Variants in EXOC4 observed in about 807,000 individuals in gnomAD.
The protein encoded by EXOC4 is SEC8-like 1.
Under a neutral mutation model 107.2 loss-of-function variants are expected in EXOC4, and 71 were observed. That is an observed-to-expected ratio of 0.66 (90% CI 0.55 to 0.81). The LOEUF (loss-of-function observed/expected upper bound fraction) is 0.81. Among genes scored for constraint, EXOC4 ranks in the 30% least tolerant of loss-of-function variants. EXOC4 has a pLI of 0.00. For synonymous variants in EXOC4, 456 were observed against 441.2 expected (o/e 1.03, Z -0.42); for missense variants, 1,108 against 1,189.6 (o/e 0.93, Z 1.01).
At chr7:133,978,979 T>C (rs1017420962) in intron 14 of EXOC4, among the ~76,000 whole-genome samples, 4 of 152,162 alleles carry the variant, frequency 2.6e-5, no homozygotes, top group Non-Finnish European at 5.9e-5. Flanking sequence ...CCCATTTCAC[T>C]CTGTACAGTA....
intron 7 of EXOC4, among the ~76,000 whole-genome samples, chr7:133,382,398 T>G (rs147972986): frequency 1.3e-5 from 2 of 152,174 alleles, no homozygotes; most frequent in East Asian, 3.9e-4. Flanking sequence ...TACTGGGGAA[T>G]AGAAAAAAAT....
chr7:133,900,902 C>T (rs1799436614), intron 12 of EXOC4, among the ~76,000 whole-genome samples: 1 of 152,168 alleles, frequency 6.6e-6, no homozygotes, highest in African/African-American at 2.4e-5. Context: ...GAGATTCTCA[C>T]TCTGTTGCCC....
intron 16 of EXOC4, 58 bp from the exon 17 acceptor site, chr7:134,007,618 A>C: frequency 6.7e-7 from 1 of 1,489,700 alleles, no homozygotes; most frequent in Non-Finnish European, 9.0e-7. Flanking sequence ...AAGTTTCTGC[A>C]GGAATGCCTC....
At chr7:133,686,355 C>A (rs192499505) in intron 10 of EXOC4, among the ~76,000 whole-genome samples, 3 of 152,288 alleles carry the variant, frequency 2.0e-5, no homozygotes, top group Admixed American at 2.0e-4. Flanking sequence ...CTCATTGCCT[C>A]TTAGCATTTT....
rs761822033 is a variant in EXOC4 at position 133,305,901 on chromosome 7, G to C, written c.496G>C (p.Gly166Arg). The C allele has an allele frequency of 4.4e-6, 7 of 1,607,804 alleles. No homozygotes were observed. Among genetic ancestry groups the C allele is most frequent in the South Asian group, 1.1e-5 (1 of 89,882 alleles). The change falls in exon 4 of 18, where the codon GGC (glycine) becomes CGC (arginine). Residue 166 changes from glycine to arginine, a missense_variant. Gly to Arg is a moderately radical substitution (Grantham distance 125). Transcript: ENST00000253861. ...MLVSAVESLE[G>R]PLLQVEGLSD... ...GGTGTCAGCAGTTGAGTCTTTGGAG[G>C]GCCCCCTGCTCCAGGTGGAAGGACT... is the stretch of plus-strand genomic sequence containing the variant.
At chr7:133,511,921 G>A (rs190734250) in intron 9 of EXOC4, among the ~76,000 whole-genome samples, 329 of 150,846 alleles carry the variant, frequency 2.2e-3, no homozygotes, top group African/African-American at 7.7e-3. Flanking sequence ...TCCTCTCCCC[G>A]CCCTTCTCAT....
At chr7:133,623,196 C>T (rs752961993) in intron 9 of EXOC4, among the ~76,000 whole-genome samples, 10 of 146,656 alleles carry the variant, frequency 6.8e-5, no homozygotes, top group South Asian at 2.2e-4. Flanking sequence ...TAAAGTATAA[C>T]GCGAGAGCTA....
At chr7:133,913,953 C>T (rs1017108128) in intron 12 of EXOC4, among the ~76,000 whole-genome samples, 4 of 151,990 alleles carry the variant, frequency 2.6e-5, no homozygotes, top group Non-Finnish European at 5.9e-5. Flanking sequence ...GAACGTGATG[C>T]GGAAAGCAAA....
chr7:133,308,374 A>T (rs1180679881), intron 4 of EXOC4, among the ~76,000 whole-genome samples: 1 of 152,182 alleles, frequency 6.6e-6, no homozygotes, highest in Non-Finnish European at 1.5e-5. Context: ...CTAATCCAGT[A>T]GGACTGATGT....
intron 10 of EXOC4, among the ~76,000 whole-genome samples, chr7:133,705,182 A>T (rs545543395): frequency 6.0e-4 from 92 of 152,230 alleles, no homozygotes; most frequent in African/African-American, 2.2e-3. Flanking sequence ...CCTGGCCAAC[A>T]TGGTGAAACT....
At chr7:133,761,070 C>A (rs901427702) in intron 10 of EXOC4, among the ~76,000 whole-genome samples, 1 of 152,084 alleles carries the variant, frequency 6.6e-6, no homozygotes, top group African/African-American at 2.4e-5. Flanking sequence ...GCAAACAAAC[C>A]GATAAATTAA....
chr7:133,778,841 A>G (rs1271012068), intron 10 of EXOC4, among the ~76,000 whole-genome samples: 1 of 152,148 alleles, frequency 6.6e-6, no homozygotes, highest in South Asian at 2.1e-4. Flanking sequence ...AAATGCTAAC[A>G]TTGTTTTCCT....
the EXOC4 span, among the ~76,000 whole-genome samples, chr7:134,087,356 T>C: frequency 4.3e-4 from 65 of 152,292 alleles, no homozygotes; most frequent in African/African-American, 1.4e-3. Context: ...TCAGAAAGCA[T>C]TGGTACGGTG....
chr7:133,420,713 T>G (rs1244351644), intron 7 of EXOC4, among the ~76,000 whole-genome samples: 1 of 152,034 alleles, frequency 6.6e-6, no homozygotes, highest in Admixed American at 6.5e-5. Flanking sequence ...ACGATTACAT[T>G]TTAAGAAACT....
At position 133,831,988 on chromosome 7, in the gene EXOC4, C is replaced by T. The variant is rs142100734; in HGVS notation, c.1734+14444C>T. Among the ~76,000 whole-genome samples the T allele has an allele frequency of 7.2e-5, 11 of 152,270 alleles. No homozygotes were observed. The East Asian group carries it at 1.9e-3, about 27-fold the overall frequency. ...TGAGAAACCTGGCTCCCACCATCTC[C>T]CATTAATTTACTTAACTGTATACAT... On this transcript the variant is annotated intron_variant, in intron 11 of 17. Coordinates refer to ENST00000253861, the MANE Select transcript of EXOC4 (RefSeq NM_021807.4).
chr7:133,839,214 A>G (rs185561928), intron 11 of EXOC4, among the ~76,000 whole-genome samples: 58 of 152,214 alleles, frequency 3.8e-4, no homozygotes, highest in Admixed American at 7.8e-4. Context: ...ACAGTCGTTT[A>G]TACTTGTATA....
At chr7:133,303,053 C>T (rs1169179455) in intron 3 of EXOC4, among the ~76,000 whole-genome samples, 3 of 152,202 alleles carry the variant, frequency 2.0e-5, no homozygotes, top group Non-Finnish European at 4.4e-5. Flanking sequence ...AATTGACTGT[C>T]AGCGGTAGTC....
chr7:133,432,061 A>C (rs1208389083), intron 7 of EXOC4, among the ~76,000 whole-genome samples: 1 of 152,154 alleles, frequency 6.6e-6, no homozygotes, highest in African/African-American at 2.4e-5. Flanking sequence ...TCTGTGAGAG[A>C]TACCCTAGGG....
intron 11 of EXOC4, among the ~76,000 whole-genome samples, chr7:133,856,334 G>T (rs140919577): frequency 9.3e-4 from 141 of 152,350 alleles, no homozygotes; most frequent in African/African-American, 3.3e-3. Context: ...TATGTGTGAT[G>T]CTTTAGTGAG....
Sources: gnomAD v4.1 joint callset for allele counts (sites outside exome capture counted in the v4.1 genomes callset) on GRCh38, gnomAD v4.1.1 for gene constraint, MANE v1.5 for transcripts, NCBI Gene and HGNC (gene_info 2026-07-23, HGNC 2026-07-21) for gene names.